The following C12orf42 variants were observed in gnomAD, a reference collection of about 807,000 sequenced individuals.
C12orf42 encodes uncharacterized protein C12orf42.
C12orf42 carries 25 observed loss-of-function variants against 21.6 expected under a neutral mutation model. The ratio of observed to expected loss-of-function variants is 1.16; its 90% CI spans 0.84 to 1.62. The LOEUF is 1.62. Among genes scored for constraint, C12orf42 ranks in the 40% most tolerant of loss-of-function variants. C12orf42 has a pLI of 0.00. For missense variants in C12orf42, 483 were observed against 459.3 expected (o/e 1.05, Z -0.47); for synonymous variants, 174 against 175.0 (o/e 0.99, Z 0.05).
intron 1 of C12orf42, among the ~76,000 whole-genome samples, chr12:103,484,867 T>G (rs1410455806): frequency 1.0e-4 from 14 of 138,866 alleles, no homozygotes; most frequent in African/African-American, 3.2e-4. Context: ...GTTTCAGTTT[T>G]TTTTTTTTTT....
the C12orf42 span, among the ~76,000 whole-genome samples, chr12:103,539,061 T>C: frequency 1.3e-5 from 2 of 152,208 alleles, no homozygotes. Flanking sequence ...TTCTGTTCTC[T>C]CTCAGAGGTA....
chr12:103,280,915 A>G (rs1281716349), intron 4 of C12orf42, among the ~76,000 whole-genome samples: 4 of 152,200 alleles, frequency 2.6e-5, no homozygotes, highest in African/African-American at 9.7e-5. Context: ...TAAAATCTTT[A>G]TCTCCAAAGT....
At chr12:103,445,906 C>G (rs1196546914) in intron 2 of C12orf42, among the ~76,000 whole-genome samples, 2 of 151,880 alleles carry the variant, frequency 1.3e-5, no homozygotes, top group African/African-American at 4.8e-5. Context: ...TCTTATTGCT[C>G]TTGAATTGGT....
intron 1 of C12orf42, among the ~76,000 whole-genome samples, chr12:103,485,613 G>A (rs1035739688): frequency 2.6e-5 from 4 of 152,152 alleles, no homozygotes; most frequent in African/African-American, 7.2e-5. Context: ...AGCATGAAAT[G>A]TTCTTCCATT....
chr12:103,267,675 G>A (rs566457014), downstream of C12orf42: 11 of 152,184 alleles, frequency 7.2e-5, no homozygotes, highest in South Asian at 6.2e-4. Flanking sequence ...AGGACACTTC[G>A]TTTCTCAGTG....
intron 2 of C12orf42, among the ~76,000 whole-genome samples, chr12:103,449,815 A>G (rs913432516): frequency 6.6e-6 from 1 of 151,794 alleles, no homozygotes; most frequent in Non-Finnish European, 1.5e-5. Flanking sequence ...GAAAAAAAAA[A>G]AAAAGCATTC....
chr12:103,296,303 G>T (rs987483695), intron 4 of C12orf42, among the ~76,000 whole-genome samples: 1 of 151,990 alleles, frequency 6.6e-6, no homozygotes, highest in Non-Finnish European at 1.5e-5. Flanking sequence ...TTGCTATTGT[G>T]AATAGTGCCA....
chr12:103,135,454 C>A, the C12orf42 span, among the ~76,000 whole-genome samples: 1 of 127,146 alleles, frequency 7.9e-6, no homozygotes. Context: ...GAGACACTAT[C>A]TCAAAAAGAA....
the C12orf42 span, among the ~76,000 whole-genome samples, chr12:103,523,217 T>C: frequency 1.3e-5 from 2 of 152,194 alleles, no homozygotes; most frequent in Non-Finnish European, 2.9e-5. Flanking sequence ...GGAGCTATTG[T>C]GGGAGCTCAT....
chr12:103,532,179 C>T, the C12orf42 span, among the ~76,000 whole-genome samples: 1 of 152,212 alleles, frequency 6.6e-6, no homozygotes, highest in East Asian at 1.9e-4. Context: ...GCTATATCTT[C>T]TAACTCCTGG....
chr12:103,178,013 C>T, the C12orf42 span: 24 of 152,102 alleles, frequency 1.6e-4, no homozygotes, highest in African/African-American at 5.3e-4. Context: ...ATTCATGGAA[C>T]GTGTGCTGCA....
intron 3 of C12orf42, among the ~76,000 whole-genome samples, chr12:103,393,206 A>T (rs2047221835): frequency 6.6e-6 from 1 of 152,200 alleles, no homozygotes; most frequent in Non-Finnish European, 1.5e-5. Flanking sequence ...CAGGCTGTAC[A>T]GGATGCATGG....
rs1040685117 is a variant in C12orf42 at position 103,369,028 on chromosome 12, A to G, written c.148-30T>C. ...AAGATAGAGGAGAAAAATACACACA[A>G]AAAAATTAGGTCAATGGCTCCAGAA... On this transcript the variant is annotated intron_variant, in intron 3 of 5. Coordinates refer to ENST00000548883, the MANE Select transcript of C12orf42 (RefSeq NM_198521.5). The G allele has an allele frequency of 3.9e-6, 5 of 1,279,196 alleles. No homozygotes were observed. The African/African-American group carries it at 6.0e-5, about 15-fold the overall frequency. The allele number at this position is 1,279,196 out of a possible 1,614,324, so 79.2% of individuals were successfully genotyped here.
At chr12:103,276,738 G>A (rs2035795156) in intron 5 of C12orf42, among the ~76,000 whole-genome samples, 1 of 152,182 alleles carries the variant, frequency 6.6e-6, no homozygotes, top group African/African-American at 2.4e-5. Context: ...ATAACGTAAT[G>A]AAAGCTGACC....
chr12:103,066,697 G>T, the C12orf42 span, among the ~76,000 whole-genome samples: 1 of 152,202 alleles, frequency 6.6e-6, no homozygotes, highest in Admixed American at 6.5e-5. Flanking sequence ...CCAATGGTTT[G>T]GCCTGATGGT....
At chr12:103,121,106 C>G in the C12orf42 span, among the ~76,000 whole-genome samples, 1 of 152,036 alleles carries the variant, frequency 6.6e-6, no homozygotes, top group East Asian at 1.9e-4. Context: ...CTCAAGATGC[C>G]TTATCTGTAT....
chr12:103,189,605 G>A, the C12orf42 span, among the ~76,000 whole-genome samples: 1 of 152,162 alleles, frequency 6.6e-6, no homozygotes, highest in African/African-American at 2.4e-5. Context: ...GTAGGCCTGA[G>A]AGAGACATCT....
chr12:103,259,577 C>T (rs1386165100), intron 10 of C12orf42, among the ~76,000 whole-genome samples: 1 of 152,296 alleles, frequency 6.6e-6, no homozygotes, highest in Admixed American at 6.5e-5. Context: ...CCATGCCTGG[C>T]CATCTTACCT....
At chr12:103,103,111 C>T in the C12orf42 span, among the ~76,000 whole-genome samples, 623 of 152,278 alleles carry the variant, frequency 4.1e-3, 7 homozygotes, top group African/African-American at 0.013. Context: ...ACAAGAGTGA[C>T]TCTCTCACCA....
Sources: gnomAD v4.1 joint callset for allele counts (sites outside exome capture counted in the v4.1 genomes callset) on GRCh38, gnomAD v4.1.1 for gene constraint, MANE v1.5 for transcripts, NCBI Gene and HGNC (gene_info 2026-07-23, HGNC 2026-07-21) for gene names.